The following NEO1 variants were observed in gnomAD, a reference collection of about 807,000 sequenced individuals.
The protein encoded by NEO1 is neogenin 1.
NEO1 carries 63 observed loss-of-function variants against 159.7 expected under a neutral mutation model. The ratio of observed to expected loss-of-function variants is 0.39; its 90% CI spans 0.32 to 0.49. The LOEUF is 0.49. NEO1 is among the 20% of genes least tolerant of loss of function. The probability of loss-of-function intolerance (pLI) is 0.85; values close to 1 mark genes in which losing one functional copy is unlikely to be tolerated. For synonymous variants in NEO1, 633 were observed against 662.0 expected, an observed-to-expected ratio of 0.96 and a Z score of 0.67; for missense variants, 1,615 against 1,831.0, an observed-to-expected ratio of 0.88 and a Z score of 2.15.
At chr15:73,133,200 T>C (rs559897524) in intron 4 of NEO1, among the ~76,000 whole-genome samples, 15 of 152,194 alleles carry the variant, frequency 9.9e-5, no homozygotes, top group South Asian at 4.1e-4. Flanking sequence ...TATATATATA[T>C]ACACATACTA....
chr15:73,104,439 A>G (rs1188409085), intron 1 of NEO1, among the ~76,000 whole-genome samples: 3 of 152,354 alleles, frequency 2.0e-5, no homozygotes, highest in Non-Finnish European at 4.4e-5. Context: ...AATAGCAGTG[A>G]GAATTAATGG....
At chr15:73,221,199 C>G (rs1416152088) in intron 7 of NEO1, among the ~76,000 whole-genome samples, 1 of 152,136 alleles carries the variant, frequency 6.6e-6, no homozygotes, top group African/African-American at 2.4e-5. Flanking sequence ...CACTCCAGAC[C>G]CTGTTTGCCT....
chr15:73,228,827 A>AAC (rs1358008305), intron 7 of NEO1, among the ~76,000 whole-genome samples: 1 of 152,150 alleles, frequency 6.6e-6, no homozygotes. Flanking sequence ...CAGTTGTTGA[A>AAC]AAGACTGTTC....
intron 8 of NEO1, among the ~76,000 whole-genome samples, chr15:73,244,013 T>G (rs1414756554): frequency 6.6e-6 from 1 of 152,192 alleles, no homozygotes; most frequent in Non-Finnish European, 1.5e-5. Context: ...TAAAACTCAG[T>G]GATTTCTAAA....
chr15:73,302,487 G>A (rs546359168), intron 28 of NEO1, 126 bp from the exon 29 acceptor site: 289 of 758,624 alleles, frequency 3.8e-4, no homozygotes, highest in African/African-American at 1.6e-3. Context: ...GCCACCCTGC[G>A]TGTTAGTAGC....
chr15:73,226,522 C>G (rs972863780), intron 7 of NEO1, among the ~76,000 whole-genome samples: 44 of 152,174 alleles, frequency 2.9e-4, no homozygotes, highest in African/African-American at 9.9e-4. Context: ...GAGTCATTAA[C>G]ATACTAATAT....
intron 5 of NEO1, among the ~76,000 whole-genome samples, chr15:73,170,287 A>G (rs1289524143): frequency 6.6e-6 from 1 of 152,184 alleles, no homozygotes; most frequent in Non-Finnish European, 1.5e-5. Context: ...AAAGTAAATG[A>G]GTAATTATGT....
At position 73,238,021 on chromosome 15, in the gene NEO1, G is replaced by T. The variant is rs188163433; in HGVS notation, c.1451+1515G>T. Among the ~76,000 whole-genome samples the T allele has an allele frequency of 4.3e-4, 65 of 152,082 alleles. 1 individual carries two copies. Among genetic ancestry groups the T allele is most frequent in the Middle Eastern group, 6.8e-3 (2 of 294 alleles). On this transcript the variant is annotated intron_variant, in intron 8 of 28. Transcript: ENST00000261908. ...AATACCAACCCAAACTTAGCCCCTC[G>T]GTGACTGTCACACAGTGGGGTATCA...
chr15:73,069,026 T>C (rs888761867), intron 1 of NEO1, among the ~76,000 whole-genome samples: 4 of 151,422 alleles, frequency 2.6e-5, no homozygotes, highest in African/African-American at 7.3e-5. Context: ...AATCACAGGT[T>C]ACTGCAGCCT....
intron 5 of NEO1, chr15:73,161,975 T>C (rs541327222): frequency 3.7e-5 from 8 of 214,312 alleles, no homozygotes; most frequent in South Asian, 2.1e-4. Context: ...TGTTTTTTTT[T>C]CTCCTGTTTT....
intron 28 of NEO1, 49 bp from the exon 29 acceptor site, chr15:73,302,564 T>C: frequency 6.4e-7 from 1 of 1,565,316 alleles, no homozygotes; most frequent in Middle Eastern, 1.7e-4. Context: ...CTCTCCTTTC[T>C]GAGCTGCTCC....
intron 1 of NEO1, among the ~76,000 whole-genome samples, chr15:73,098,082 AACACAC>A (rs34778128): frequency 6.7e-6 from 1 of 149,758 alleles, no homozygotes; most frequent in South Asian, 2.1e-4. Flanking sequence ...TTTATCCCAC[AACACAC>A]ACACACACAC....
chr15:73,236,477 T>A lies in NEO1; in HGVS notation c.1422T>A (p.Ser474=). ...CTCACGGAGACAACCTTACCTACTCTGTGTTCTACACCAAGGAAGGGATTG... is the reference window on the plus strand; with the variant it reads ...CTCACGGAGACAACCTTACCTACTCAGTGTTCTACACCAAGGAAGGGATTG... The part of the protein sequence containing the change: ...SDPHGDNLTY[S]VFYTKEGIAR... The change falls in exon 8 of 29, where the codon TCT becomes TCA. Residue 474 remains serine, a synonymous_variant. Coordinates refer to ENST00000261908, the MANE Select transcript of NEO1 (RefSeq NM_002499.4). 6.2e-7 allele frequency: 1 copy of A among 1,614,102 alleles called. No individual in the cohort carries two copies. Among genetic ancestry groups the A allele is most frequent in the Non-Finnish European group, 8.5e-7 (1 of 1,179,978 alleles).
At chr15:73,287,836 C>T (rs2042006406) in intron 23 of NEO1, among the ~76,000 whole-genome samples, 1 of 151,508 alleles carries the variant, frequency 6.6e-6, no homozygotes, top group South Asian at 2.1e-4. Flanking sequence ...GCCGATATCT[C>T]GCCATTACAC....
chr15:73,200,188 C>T (rs901870371), intron 7 of NEO1, among the ~76,000 whole-genome samples: 2 of 152,086 alleles, frequency 1.3e-5, no homozygotes, highest in Non-Finnish European at 2.9e-5. Context: ...TTTTGAAGAT[C>T]TTTAATTATT....
chr15:73,124,563 A>G (rs550820870), intron 3 of NEO1, among the ~76,000 whole-genome samples: 329 of 152,304 alleles, frequency 2.2e-3, no homozygotes, highest in Non-Finnish European at 3.6e-3. Flanking sequence ...AGAACAATCC[A>G]GATATGCTCT....
chr15:73,184,328 G>A (rs1432080658), intron 7 of NEO1, among the ~76,000 whole-genome samples: 2 of 151,888 alleles, frequency 1.3e-5, no homozygotes, highest in Non-Finnish European at 2.9e-5. Context: ...GCTAACTTTT[G>A]TATTTTTAGT....
intron 5 of NEO1, among the ~76,000 whole-genome samples, chr15:73,147,510 C>T (rs2033002967): frequency 6.6e-6 from 1 of 152,156 alleles, no homozygotes; most frequent in Non-Finnish European, 1.5e-5. Flanking sequence ...TCTGTGCTTG[C>T]TGGGCTCCTG....
rs1314646035 is a variant in NEO1 at position 73,283,129 on chromosome 15, C to T, written c.3410+18C>T. The T allele has an allele frequency of 1.9e-6, 3 of 1,613,530 alleles. No homozygotes were observed. The highest frequency in any genetic ancestry group is 3.3e-5 in the Admixed American group (2 of 59,890). On this transcript the variant is annotated intron_variant, in intron 23 of 28. Transcript: ENST00000261908. Reference sequence around the variant, plus strand: ...CAGAAAAAGTAAGAAGCCCCAGATGCACCCCTTAGATTTTTGGCATCTTAT... The same window carrying T: ...CAGAAAAAGTAAGAAGCCCCAGATGTACCCCTTAGATTTTTGGCATCTTAT...
Sources: allele counts gnomAD v4.1 joint callset (sites outside exome capture counted in the v4.1 genomes callset), GRCh38; gene constraint gnomAD v4.1.1; transcripts MANE v1.5; gene names NCBI Gene and HGNC (gene_info 2026-07-23, HGNC 2026-07-21).